Variants in RPSA observed in about 807,000 individuals in gnomAD.
RPSA encodes the protein small ribosomal subunit protein uS2.
For missense variants in RPSA, 140 were observed against 372.8 expected (o/e 0.38, Z 5.14); for synonymous variants, 103 against 126.7 (o/e 0.81, Z 1.25).
In RPSA at chr3:39,411,239, A is replaced by G. The variant is rs759032870; in HGVS notation, c.498+240A>G. 7 of 728,168 alleles carry G rather than the reference A, an allele frequency of 9.6e-6. No homozygotes were observed. The Admixed American group carries it at 1.0e-4, about 11-fold the overall frequency. The allele number at this position is 728,168 out of a possible 1,614,324, so 45.1% of individuals were successfully genotyped here. On this transcript the variant is annotated intron_variant, in intron 4 of 6. Transcript: ENST00000301821. ...TACTGCATGACAGCTTTGTGGAGAA[A>G]TGAAAACATTTGGAAAATAGTGTGT...
At position 39,410,925 on chromosome 3, in the gene RPSA, C is replaced by T. The variant is rs1040261794; in HGVS notation, c.424C>T (p.Leu142=). The T allele has an allele frequency of 6.3e-7, 1 of 1,591,032 alleles. No individual in the cohort carries two copies. Among genetic ancestry groups the T allele is most frequent in the Non-Finnish European group, 8.5e-7 (1 of 1,171,984 alleles). Residue 142 remains leucine (L), a synonymous_variant, in exon 4 of 7, where the codon CTA becomes TTA. Transcript: ENST00000301821. The stretch of plus-strand genomic sequence containing the variant: ...TCTCACGGAGGCATCTTATGTTAAC[C>T]TACCTACCATTGCGCTGTGTAACAC... ...QPLTEASYVN[L]PTIALCNTDS...
At chr3:39,406,890 G>A (rs1242043055) in intron 1 of RPSA, 126 bp downstream of exon 1, 2 of 456,252 alleles carry the variant, frequency 4.4e-6, no homozygotes, top group Non-Finnish European at 8.8e-6. Flanking sequence ...CGCCCGGCGC[G>A]CCCCACCTTA....
In RPSA at chr3:39,412,286, C is replaced by T. The variant is rs771968075; in HGVS notation, c.806C>T (p.Ala269Val). ...ATTCTCTTAACAGAAGACTGGAGCG[C>T]TCAGCCTGCCACGGAAGACTGGTCT... ...IQQFPTEDWS[A>V]QPATEDWSAA... Residue 269 changes from alanine (A) to valine (V), a missense_variant, in exon 7 of 7, where the codon GCT (alanine) becomes GTT (valine). Transcript: ENST00000301821. The T allele has an allele frequency of 1.2e-5, 19 of 1,610,784 alleles. No individual in the cohort carries two copies. Among genetic ancestry groups the T allele is most frequent in the Non-Finnish European group, 1.6e-5 (19 of 1,177,280 alleles).
intron 4 of RPSA, 25 bp downstream of exon 4, chr3:39,411,024 T>C: frequency 6.3e-7 from 1 of 1,599,070 alleles, no homozygotes; most frequent in Non-Finnish European, 8.5e-7. Flanking sequence ...ATCTAGAGTT[T>C]GTGAATGCGT....
chr3:39,411,575 G>A lies in RPSA; in HGVS notation c.499-74G>A, dbSNP rs945819820. ...TCTGTACTTTTGGTACCTAGATGAT[G>A]TAAGAGCCAGGAAGGTGCTTGCTGT... is the stretch of plus-strand genomic sequence containing the variant. On this transcript the variant is annotated intron_variant, in intron 4 of 6. Transcript: ENST00000301821. 5 of 1,541,630 alleles carry A rather than the reference G, an allele frequency of 3.2e-6. No homozygotes were observed. The Admixed American group carries it at 5.1e-5, about 16-fold the overall frequency.
chr3:39,408,206 G>T, intron 2 of RPSA: 1 of 377,822 alleles, frequency 2.6e-6, no homozygotes, highest in Non-Finnish European at 5.1e-6. Flanking sequence ...TTATTTTAGA[G>T]ATAAAGCTAC....
intron 4 of RPSA, chr3:39,411,446 T>G: frequency 1.7e-6 from 1 of 604,230 alleles, no homozygotes; most frequent in Non-Finnish European, 2.9e-6. Context: ...AATGCCAGTG[T>G]CCAGGCATTT....
chr3:39,411,636 CCA>C lies in RPSA; in HGVS notation c.499-11_499-10del. ...CCAAGTGTCACTTTTTAATAATCTG[CCA>C]CTCTTGGCAGGGAGCTCACTCAGTG... On this transcript the variant is annotated splice_polypyrimidine_tract_variant and intron_variant, in intron 4 of 6. Coordinates refer to ENST00000301821, the MANE Select transcript of RPSA (RefSeq NM_002295.6). 2 of 1,609,732 alleles carry C rather than the reference CCA, an allele frequency of 1.2e-6. No homozygotes were observed. Among genetic ancestry groups the C allele is most frequent in the Non-Finnish European group, 1.7e-6 (2 of 1,179,942 alleles).
intron 3 of RPSA, among the ~76,000 whole-genome samples, chr3:39,409,894 G>A (rs2041980486): frequency 6.6e-6 from 1 of 152,176 alleles, no homozygotes; most frequent in African/African-American, 2.4e-5. Flanking sequence ...TTGTGAGGCT[G>A]AGGCTGGTGG....
At chr3:39,410,079 G>C (rs542089095) in intron 3 of RPSA, among the ~76,000 whole-genome samples, 1 of 152,328 alleles carries the variant, frequency 6.6e-6, no homozygotes, top group East Asian at 1.9e-4. Flanking sequence ...AGCCAAGACT[G>C]TCCACTGCAT....
intron 5 of RPSA, 56 bp downstream of exon 5, chr3:39,411,833 G>T: frequency 6.3e-7 from 1 of 1,599,476 alleles, no homozygotes; most frequent in South Asian, 1.1e-5. Flanking sequence ...CTTGGACTGT[G>T]CTTCTAGGAA....
chr3:39,411,216 C>G (rs771392004), intron 4 of RPSA: 1 of 747,156 alleles, frequency 1.3e-6, no homozygotes, highest in Non-Finnish European at 2.5e-6. Flanking sequence ...TATAACATTA[C>G]TGCATGACAG....
chr3:39,411,111 T>A (rs371128378), intron 4 of RPSA, 112 bp downstream of exon 4: 1 of 1,361,382 alleles, frequency 7.3e-7, no homozygotes. Context: ...AACTCGCAAG[T>A]GTAGGTAGTG....
chr3:39,407,293 C>T (rs544891170), intron 1 of RPSA, among the ~76,000 whole-genome samples: 1 of 152,280 alleles, frequency 6.6e-6, no homozygotes, highest in African/African-American at 2.4e-5. Context: ...TTTGCATATT[C>T]CAAACATGGC....
rs770984245 is a variant in RPSA at position 39,410,918 on chromosome 3, T to C, written c.417T>C (p.Tyr139=). 15 of 1,592,488 alleles carry C rather than the reference T, an allele frequency of 9.4e-6. No individual in the cohort carries two copies. The highest frequency in any genetic ancestry group is 2.2e-5 in the South Asian group (2 of 90,920). Residue 139 remains tyrosine (Y), a synonymous_variant, in exon 4 of 7, where the codon TAT becomes TAC. Coordinates refer to ENST00000301821, the MANE Select transcript of RPSA (RefSeq NM_002295.6). ...ADHQPLTEAS[Y]VNLPTIALCN... ...ACCAGCCTCTCACGGAGGCATCTTA[T>C]GTTAACCTACCTACCATTGCGCTGT... is the stretch of plus-strand genomic sequence containing the variant.
At chr3:39,408,998 T>G in intron 3 of RPSA, 1 of 358,090 alleles carries the variant, frequency 2.8e-6, no homozygotes, top group African/African-American at 2.1e-5. Context: ...AAGTGGAGAA[T>G]GGCGTGAACC....
Position 39,407,769 on chromosome 3 carries a change from A to G in RPSA, c.116A>G (p.Tyr39Cys). Residue 39 changes from tyrosine (Y) to cysteine (C), a missense_variant, in exon 2 of 7, where the codon TAT becomes TGT. Transcript: ENST00000301821. ...GACTTCCAGATGGAACAGTACATCTATAAAAGGAAAAGTGATGGTTAGTCA... is the reference window on the plus strand; with the variant it reads ...GACTTCCAGATGGAACAGTACATCTGTAAAAGGAAAAGTGATGGTTAGTCA... ...NLDFQMEQYI[Y>C]KRKSDGIYII... 2 of 1,598,144 alleles carry G rather than the reference A, an allele frequency of 1.3e-6. No homozygotes were observed. The highest frequency in any genetic ancestry group is 1.7e-6 in the Non-Finnish European group (2 of 1,179,534).
chr3:39,410,641 T>G, intron 3 of RPSA, 113 bp from the exon 4 acceptor site: 1 of 1,204,014 alleles, frequency 8.3e-7, no homozygotes, highest in South Asian at 1.2e-5. Context: ...GGTATGTGCC[T>G]GCTTTACATG....
intron 2 of RPSA, chr3:39,408,057 T>C (rs2041945799): frequency 2.3e-6 from 1 of 437,966 alleles, no homozygotes; most frequent in South Asian, 2.2e-5. Flanking sequence ...ATAGCTCGCA[T>C]AGTGCCTTCA....
Sources: allele counts gnomAD v4.1 joint callset (sites outside exome capture counted in the v4.1 genomes callset), GRCh38; gene constraint gnomAD v4.1.1; transcripts MANE v1.5; gene names NCBI Gene and HGNC (gene_info 2026-07-23, HGNC 2026-07-21).